The following VAV2 variants were observed in gnomAD, a reference collection of about 807,000 sequenced individuals.
VAV2 encodes the protein guanine nucleotide exchange factor VAV2.
VAV2 carries 67 observed loss-of-function variants against 132.5 expected under a neutral mutation model. That is an observed-to-expected ratio of 0.51 (90% CI 0.42 to 0.62). The LOEUF is 0.62. Among genes scored for constraint, VAV2 ranks in the 20% least tolerant of loss-of-function variants. The pLI is 0.00. For synonymous variants in VAV2, 492 were observed against 443.5 expected, an observed-to-expected ratio of 1.11 and a Z score of -1.37; for missense variants, 938 against 1,153.6, an observed-to-expected ratio of 0.81 and a Z score of 2.71.
intron 1 of VAV2, among the ~76,000 whole-genome samples, chr9:133,960,326 A>C (rs991416394): frequency 3.3e-5 from 5 of 151,886 alleles, no homozygotes; most frequent in African/African-American, 1.2e-4. Flanking sequence ...TTAAATTCTC[A>C]ATCTTCCTGC....
intron 2 of VAV2, among the ~76,000 whole-genome samples, chr9:133,933,211 G>C (rs955900755): frequency 3.3e-5 from 5 of 152,252 alleles, no homozygotes; most frequent in Admixed American, 2.0e-4. Context: ...TTGTGGGCCA[G>C]AGCCAGCAGG....
intron 3 of VAV2, among the ~76,000 whole-genome samples, chr9:133,841,595 G>C (rs547722102): frequency 6.6e-6 from 1 of 152,094 alleles, no homozygotes; most frequent in Admixed American, 6.6e-5. Context: ...CCCAGGCTCC[G>C]TCCCCAAACA....
At chr9:133,904,170 G>A (rs920685878) in intron 2 of VAV2, among the ~76,000 whole-genome samples, 10 of 152,154 alleles carry the variant, frequency 6.6e-5, no homozygotes, top group African/African-American at 2.4e-4. Context: ...TGGTGGGCCG[G>A]CTCCAGCCCA....
At position 133,801,899 on chromosome 9, in the gene VAV2, G is replaced by A. The variant is rs1350630439; in HGVS notation, c.837-4090C>T. Among the ~76,000 whole-genome samples the A allele has an allele frequency of 4.6e-5, 7 of 152,158 alleles. No individual in the cohort carries two copies. In the East Asian group the frequency reaches 9.6e-4, roughly 21 times the overall value. On this transcript the variant is annotated intron_variant, in intron 9 of 29. Transcript: ENST00000371850. ...GAAGCCTCTGCAGGAAGCATGACCC[G>A]GGCACACCTGGACTTTGGCTCAGTG...
chr9:133,970,607 G>A (rs1387140956), intron 1 of VAV2, among the ~76,000 whole-genome samples: 2 of 152,202 alleles, frequency 1.3e-5, no homozygotes, highest in African/African-American at 4.8e-5. Context: ...CTCCTTCCCT[G>A]GGCCCAGCCT....
rs369677667 is a variant in VAV2 at position 133,771,819 on chromosome 9, TA to T, written c.2223+139del. The T allele has an allele frequency of 4.3e-4, 357 of 826,772 alleles. 3 individuals are homozygous for T. In the East Asian group the frequency reaches 7.8e-3, roughly 18 times the overall value. The allele number at this position is 826,772 out of a possible 1,614,324, so 51.2% of individuals were successfully genotyped here. A position where few individuals can be genotyped will look rare whatever the true frequency, so the allele number is the denominator to read the frequency against. ...CATAGCTCTAGCTGTCCTAGTGCCT[TA>T]AAAACCAATTCCCTAAATCTTGGCC... On this transcript the variant is annotated intron_variant, in intron 26 of 29. Coordinates refer to ENST00000371850, the MANE Select transcript of VAV2 (RefSeq NM_001134398.2).
rs1838021969 is a variant in VAV2 at position 133,871,188 on chromosome 9, A to G, written c.322-9756T>C. On this transcript the variant is annotated intron_variant, in intron 2 of 29. Transcript: ENST00000371850. The stretch of plus-strand genomic sequence containing the variant: ...GATGGATGGATAGATGAGTGGGTGG[A>G]TGAATGGATGGCTGGCTGGATGGAT... Among the ~76,000 whole-genome samples, 2 of 142,644 alleles carry G rather than the reference A, an allele frequency of 1.4e-5. 1 individual carries two copies. The highest frequency in any genetic ancestry group is 4.7e-4 in the South Asian group (2 of 4,238). The allele number at this position is 142,644 out of a possible 152,430, so 93.6% of individuals were successfully genotyped here.
At chr9:133,915,358 G>C (rs533289828) in intron 2 of VAV2, among the ~76,000 whole-genome samples, 4 of 152,200 alleles carry the variant, frequency 2.6e-5, no homozygotes, top group African/African-American at 9.7e-5. Context: ...ATATTTTCAA[G>C]GGGATTCAGC....
chr9:133,840,274 G>A lies in VAV2; in HGVS notation c.381-5934C>T, dbSNP rs1181202667. On this transcript the variant is annotated intron_variant, in intron 3 of 29. Coordinates refer to ENST00000371850, the MANE Select transcript of VAV2 (RefSeq NM_001134398.2). This position sits in a 1 kb window ranked among gnomAD's most constrained non-coding sequence, Gnocchi z 4.5. ...GAGTTTCCCACTGCACCGCCGAGGGGACGAAGCAGATGTCCGCACAGGAAG... is the reference window on the plus strand; with the variant it reads ...GAGTTTCCCACTGCACCGCCGAGGGAACGAAGCAGATGTCCGCACAGGAAG... 6.6e-6 allele frequency among the ~76,000 whole-genome samples: 1 copy of A among 152,212 alleles called. No individual in the cohort carries two copies. Among genetic ancestry groups the A allele is most frequent in the East Asian group, 1.9e-4 (1 of 5,196 alleles).
Position 133,937,505 on chromosome 9 carries a change from TGAGTGTGTGTGC to T in VAV2, c.321+1586_321+1597del, listed in dbSNP as rs1564480772. Among the ~76,000 whole-genome samples, 138 of 23,716 alleles carry T rather than the reference TGAGTGTGTGTGC, an allele frequency of 5.8e-3. 1 individual carries two copies. The highest frequency in any genetic ancestry group is 9.3e-3 in the African/African-American group (119 of 12,828). The allele number at this position is 23,716 out of a possible 152,430, so 15.6% of individuals were successfully genotyped here. A position where few individuals can be genotyped will look rare whatever the true frequency, so the allele number is the denominator to read the frequency against. ...GGGTGGGTGCAAGAGTGTGTGCGTGTGAGTGTGTGTGCGCGTGTGAGAGTGTGTGTGAGAGTG... is the reference window on the plus strand; with the variant it reads ...GGGTGGGTGCAAGAGTGTGTGCGTGTGCGTGTGAGAGTGTGTGTGAGAGTG... On this transcript the variant is annotated intron_variant, in intron 2 of 29. Coordinates refer to ENST00000371850, the MANE Select transcript of VAV2 (RefSeq NM_001134398.2).
At chr9:133,909,338 G>A (rs1479206895) in intron 2 of VAV2, among the ~76,000 whole-genome samples, 1 of 152,176 alleles carries the variant, frequency 6.6e-6, no homozygotes, top group African/African-American at 2.4e-5. Flanking sequence ...CTGGAGCTCA[G>A]CAGGAGGTTC....
chr9:133,769,876 G>A lies in VAV2; in HGVS notation c.2348-373C>T, dbSNP rs1266726261. Reference sequence around the variant, plus strand: ...TGCAGGACCCTGCAGGCTGGAGGACGTGGGGTGACTCTGGAGAGAGTCCTG... The same window carrying A: ...TGCAGGACCCTGCAGGCTGGAGGACATGGGGTGACTCTGGAGAGAGTCCTG... On this transcript the variant is annotated intron_variant, in intron 27 of 29. Transcript: ENST00000371850. The surrounding 1 kb of genome is among the most constrained non-coding windows in gnomAD (Gnocchi z 8.1). 1.3e-5 allele frequency among the ~76,000 whole-genome samples: 2 copies of A among 152,208 alleles called. No individual in the cohort carries two copies. Among genetic ancestry groups the A allele is most frequent in the Admixed American group, 6.5e-5 (1 of 15,288 alleles).
At chr9:133,811,475 G>A (rs1286422214) in intron 5 of VAV2, among the ~76,000 whole-genome samples, 1 of 152,172 alleles carries the variant, frequency 6.6e-6, no homozygotes, top group East Asian at 1.9e-4. Flanking sequence ...TGGGAGCCTG[G>A]GGGTCTGAGG....
At chr9:133,868,252 G>A (rs928012070) in intron 2 of VAV2, among the ~76,000 whole-genome samples, 2 of 152,242 alleles carry the variant, frequency 1.3e-5, no homozygotes, top group African/African-American at 2.4e-5. Context: ...AACACGAGGG[G>A]CAACCTGCCC....
At chr9:133,861,273 C>A (rs1837582867) in intron 3 of VAV2, 101 bp downstream of exon 3, 1 of 1,306,320 alleles carries the variant, frequency 7.7e-7, no homozygotes. Flanking sequence ...AAGACACAGG[C>A]AGAGGGCATC....
intron 25 of VAV2, among the ~76,000 whole-genome samples, chr9:133,773,630 A>G (rs1215033561): frequency 6.8e-6 from 1 of 147,382 alleles, no homozygotes; most frequent in African/African-American, 2.6e-5. Context: ...TCCTTATTCT[A>G]TAAGCTTTCC....
chr9:133,809,100 G>A lies in VAV2; in HGVS notation c.606C>T (p.Cys202=). The part of the protein sequence containing the change: ...GMTEDDKRNC[C]LLEIQETEAK... ...CCTCGGTCTCCTGGATCTCCAGCAG[G>A]CAGCAGTTCCTCTTGTCATCTTCAG... The change falls in exon 7 of 30, where the codon TGC becomes TGT. Residue 202 remains cysteine, a synonymous_variant. Transcript: ENST00000371850. 6.2e-7 allele frequency: 1 copy of A among 1,613,990 alleles called. No homozygotes were observed. The highest frequency in any genetic ancestry group is 8.5e-7 in the Non-Finnish European group (1 of 1,179,948).
intron 2 of VAV2, among the ~76,000 whole-genome samples, chr9:133,887,767 C>T (rs1237602966): frequency 1.3e-5 from 2 of 152,166 alleles, no homozygotes; most frequent in African/African-American, 2.4e-5. Flanking sequence ...GGCCAGGAAC[C>T]GCCCCTGCCC....
chr9:133,915,991 CATGAT>C (rs1564463168), intron 2 of VAV2, among the ~76,000 whole-genome samples: 1 of 151,914 alleles, frequency 6.6e-6, no homozygotes, highest in Non-Finnish European at 1.5e-5. Flanking sequence ...ACGATGCACA[CATGAT>C]ATACATGTGC....
Sources: gnomAD v4.1 joint callset for allele counts (sites outside exome capture counted in the v4.1 genomes callset) on GRCh38, gnomAD v4.1.1 for gene constraint, Gnocchi (gnomAD v3.1) non-coding constraint, MANE v1.5 for transcripts, NCBI Gene and HGNC (gene_info 2026-07-23, HGNC 2026-07-21) for gene names.